The following MTMR10 variants were observed in gnomAD, a reference collection of about 807,000 sequenced individuals.
MTMR10 encodes the protein myotubularin-related protein 10.
MTMR10 carries 56 observed loss-of-function variants against 88.1 expected under a neutral mutation model. That is an observed-to-expected ratio of 0.64 (90% CI 0.51 to 0.79). The LOEUF (loss-of-function observed/expected upper bound fraction) is 0.79. Among genes scored for constraint, MTMR10 ranks in the 30% least tolerant of loss-of-function variants. The pLI is 0.00. For missense variants in MTMR10, 883 were observed against 924.7 expected, an observed-to-expected ratio of 0.95 and a Z score of 0.58; for synonymous variants, 380 against 340.9, an observed-to-expected ratio of 1.11 and a Z score of -1.26.
At chr15:30,978,108 G>A (rs963885205) in intron 2 of MTMR10, among the ~76,000 whole-genome samples, 1 of 152,068 alleles carries the variant, frequency 6.6e-6, no homozygotes, top group African/African-American at 2.4e-5. Context: ...CCCATTTCAT[G>A]GAATATTCTT....
chr15:30,955,611 T>C (rs2063315670), intron 9 of MTMR10, among the ~76,000 whole-genome samples: 1 of 152,050 alleles, frequency 6.6e-6, no homozygotes, highest in African/African-American at 2.4e-5. Flanking sequence ...AGCACATCCA[T>C]TGGAACACTT....
chr15:30,936,563 G>A (rs1276637988), downstream of MTMR10, among the ~76,000 whole-genome samples: 1 of 152,188 alleles, frequency 6.6e-6, no homozygotes, highest in Non-Finnish European at 1.5e-5. Context: ...CAGAATAGAA[G>A]AATTTCTGAA....
At chr15:30,934,161 T>C (rs2062790925), downstream of MTMR10, among the ~76,000 whole-genome samples, 1 of 152,234 alleles carries the variant, frequency 6.6e-6, no homozygotes, top group Non-Finnish European at 1.5e-5. Flanking sequence ...CTTTTATCAT[T>C]ATGCAGTGAC....
intron 15 of MTMR10, chr15:30,942,315 C>T (rs190677980): frequency 3.6e-6 from 2 of 562,798 alleles, no homozygotes; most frequent in African/African-American, 3.7e-5. Context: ...AGAGTACCTC[C>T]TATCCACTAA....
chr15:30,942,146 A>AAACT (rs1416992457), intron 15 of MTMR10, 74 bp from the exon 16 acceptor site: 2 of 1,474,146 alleles, frequency 1.4e-6, no homozygotes, highest in Non-Finnish European at 1.8e-6. Context: ...TGGCAAATAT[A>AAACT]AACTCAATAC....
intron 5 of MTMR10, among the ~76,000 whole-genome samples, chr15:30,968,503 T>C (rs2141037062): frequency 6.7e-6 from 1 of 149,636 alleles, no homozygotes; most frequent in African/African-American, 2.5e-5. Flanking sequence ...CAAAAATGCA[T>C]GGGTGGCTCA....
chr15:30,971,446 A>G (rs1002405385), intron 5 of MTMR10, among the ~76,000 whole-genome samples: 1 of 152,180 alleles, frequency 6.6e-6, no homozygotes, highest in Non-Finnish European at 1.5e-5. Context: ...TTTGCAAACA[A>G]AAGTGGTTTA....
chr15:30,974,797 C>T (rs753428423), intron 4 of MTMR10, 134 bp downstream of exon 4: 31 of 554,216 alleles, frequency 5.6e-5, no homozygotes, highest in Non-Finnish European at 7.2e-5. Context: ...TTTATGTTCC[C>T]GGGACTCAAA....
At chr15:30,954,648 C>T in intron 10 of MTMR10, 115 bp downstream of exon 10, 1 of 1,076,900 alleles carries the variant, frequency 9.3e-7, no homozygotes. Context: ...CAAATAGTTC[C>T]ATAGACTCCT....
At chr15:30,974,681 C>T (rs902955913) in intron 4 of MTMR10, among the ~76,000 whole-genome samples, 6 of 152,030 alleles carry the variant, frequency 3.9e-5, no homozygotes, top group Non-Finnish European at 1.5e-5. Flanking sequence ...CATCTAGACA[C>T]ATTTAATGAT....
chr15:30,976,858 G>C lies in MTMR10; in HGVS notation c.219C>G (p.Phe73Leu). ...GGTCATCTGTAATAAAGGAGATTTT[G>C]AAGTTACTGCATATCAGCTTTCCCC... Reference protein sequence around the residue: ...DLWGKLICSNFKISFITDDPM... With the variant: ...DLWGKLICSNLKISFITDDPM... Residue 73 changes from phenylalanine (F) to leucine (L), a missense_variant, in exon 3 of 16, where the codon TTC (phenylalanine) becomes TTG (leucine). Coordinates refer to ENST00000435680, the MANE Select transcript of MTMR10 (RefSeq NM_017762.3). 1 of 1,613,900 alleles carries C rather than the reference G, an allele frequency of 6.2e-7. No homozygotes were observed. Among genetic ancestry groups the C allele is most frequent in the Non-Finnish European group, 8.5e-7 (1 of 1,179,844 alleles).
At position 30,947,175 on chromosome 15, in the gene MTMR10, G is replaced by A. The variant is rs1260977589; in HGVS notation, c.1503C>T (p.Gly501=). ...GGTGAGGGGAGTTGAACAGGAAGGT[G>A]CCAAACAGTGAGATCCGGGTGCTGT... ...LYDSTRISLF[G]TFLFNSPHQR... The change falls in exon 14 of 16, where the codon GGC becomes GGT. Residue 501 remains glycine, a synonymous_variant. Transcript: ENST00000435680. The A allele has an allele frequency of 6.2e-7, 1 of 1,613,910 alleles. No homozygotes were observed. The highest frequency in any genetic ancestry group is 1.1e-5 in the South Asian group (1 of 91,042).
chr15:30,967,956 C>A lies in MTMR10; in HGVS notation c.529G>T (p.Ala177Ser). 1 of 1,570,592 alleles carries A rather than the reference C, an allele frequency of 6.4e-7. No individual in the cohort carries two copies. Residue 177 changes from alanine (A) to serine (S), a missense_variant, in exon 6 of 16, where the codon GCA becomes TCA. Around this residue, in one of 3 missense-constraint regions of MTMR10, gnomAD observed 414 missense variants for 423.2 expected, o/e 0.98. Transcript: ENST00000435680. ...SQPTDLQLLF[A>S]FEYVGKKYHN... ...TATTTTTTCCCAACATATTCAAATGCAAAGAGTAGCTGGAGGTCTGTTGGC... is the reference window on the plus strand; with the variant it reads ...TATTTTTTCCCAACATATTCAAATGAAAAGAGTAGCTGGAGGTCTGTTGGC...
intron 2 of MTMR10, among the ~76,000 whole-genome samples, chr15:30,980,966 G>T (rs1426136893): frequency 6.6e-6 from 1 of 152,190 alleles, no homozygotes; most frequent in East Asian, 1.9e-4. Context: ...CCTCACAGAA[G>T]AATTCCAATT....
At chr15:30,935,699 T>C (rs545500074), downstream of MTMR10, among the ~76,000 whole-genome samples, 1 of 152,352 alleles carries the variant, frequency 6.6e-6, no homozygotes, top group Admixed American at 6.5e-5. Flanking sequence ...AGGTTTTGTA[T>C]GTCTTAGCCT....
At position 30,968,023 on chromosome 15, in the gene MTMR10, C is replaced by G. The variant is rs548224728; in HGVS notation, c.475-13G>C. On this transcript the variant is annotated splice_polypyrimidine_tract_variant and intron_variant, in intron 5 of 15. Transcript: ENST00000435680. The stretch of plus-strand genomic sequence containing the variant: ...TTGCAAGGCATACCTAGGAAAAATT[C>G]TACATTTAGAATTTGATTTTAACAC... The G allele has an allele frequency of 2.0e-6, 3 of 1,529,494 alleles. No individual in the cohort carries two copies. The Admixed American group carries it at 5.9e-5, about 30-fold the overall frequency. The allele number at this position is 1,529,494 out of a possible 1,614,324, so 94.7% of individuals were successfully genotyped here.
intron 2 of MTMR10, among the ~76,000 whole-genome samples, chr15:30,977,573 T>G (rs1464075246): frequency 6.6e-6 from 1 of 152,104 alleles, no homozygotes; most frequent in Non-Finnish European, 1.5e-5. Context: ...AAAGAATACT[T>G]TTCTACAATT....
At chr15:30,922,417 G>A in the MTMR10 span, 3 of 1,505,050 alleles carry the variant, frequency 2.0e-6, no homozygotes, top group Non-Finnish European at 2.7e-6. Context: ...TTAAAATATG[G>A]CAAACTTAAT....
chr15:30,983,651 T>C (rs1322186529), intron 2 of MTMR10, among the ~76,000 whole-genome samples: 1 of 152,202 alleles, frequency 6.6e-6, no homozygotes, highest in African/African-American at 2.4e-5. Context: ...ATAACTTAAC[T>C]TGGGCTTTTA....
Sources: gnomAD v4.1 joint callset for allele counts (sites outside exome capture counted in the v4.1 genomes callset) on GRCh38, gnomAD v4.1.1 for gene constraint, gnomAD v4.1.1 regional missense constraint, MANE v1.5 for transcripts, NCBI Gene and HGNC (gene_info 2026-07-23, HGNC 2026-07-21) for gene names.